MSI2: variants seen among roughly 807,000 people sequenced by gnomAD.
MSI2 encodes the protein RNA-binding protein Musashi homolog 2.
In MSI2, 17 loss-of-function variants were observed where a neutral mutation model predicts 45.6. The observed-to-expected ratio is 0.37, with a 90% CI of 0.26 to 0.56. The LOEUF (loss-of-function observed/expected upper bound fraction) is 0.56, where lower values mean the gene tolerates loss of function less well. MSI2 is among the 20% of genes least tolerant of loss of function. The probability of loss-of-function intolerance (pLI) is 0.77; values close to 1 mark genes in which losing one functional copy is unlikely to be tolerated. For synonymous variants in MSI2, 156 were observed against 158.2 expected, an observed-to-expected ratio of 0.99 and a Z score of 0.11; for missense variants, 293 against 444.2, an observed-to-expected ratio of 0.66 and a Z score of 3.06.
In MSI2 at chr17:57,275,814, A is replaced by G. The variant is rs1349563066; in HGVS notation, c.312+13622A>G. ...ATTGACTAATTATAGGGAAAAAGCC[A>G]TATTTGCTGCTCCATTAAGTGATCA... On this transcript the variant is annotated intron_variant, in intron 5 of 13. Coordinates refer to ENST00000284073, the MANE Select transcript of MSI2 (RefSeq NM_138962.4). Among the ~76,000 whole-genome samples, 8 of 152,222 alleles carry G rather than the reference A, an allele frequency of 5.3e-5. No homozygotes were observed. The East Asian group carries it at 1.3e-3, about 26-fold the overall frequency.
chr17:57,418,176 T>G (rs2143265075), intron 6 of MSI2, among the ~76,000 whole-genome samples: 1 of 152,332 alleles, frequency 6.6e-6, no homozygotes, highest in East Asian at 1.9e-4. Context: ...CAATTCCACT[T>G]TTATTTACAA....
intron 6 of MSI2, among the ~76,000 whole-genome samples, chr17:57,461,151 G>A (rs1341822793): frequency 2.6e-5 from 4 of 152,220 alleles, no homozygotes; most frequent in Non-Finnish European, 4.4e-5. Flanking sequence ...GGGGTCTGCC[G>A]GCTTCTCCCT....
At chr17:57,674,279 G>A (rs1229088020) in intron 11 of MSI2, among the ~76,000 whole-genome samples, 2 of 148,722 alleles carry the variant, frequency 1.3e-5, no homozygotes, top group Admixed American at 6.7e-5. Flanking sequence ...GGGGAGGGGC[G>A]GGTGGTGGGG....
chr17:57,514,766 C>T (rs993165845), intron 6 of MSI2, among the ~76,000 whole-genome samples: 2 of 149,992 alleles, frequency 1.3e-5, no homozygotes, highest in Non-Finnish European at 2.9e-5. Context: ...GTTATTCTGT[C>T]AATACTCATT....
Position 57,399,938 on chromosome 17 carries a change from G to A in MSI2, c.313-1441G>A, listed in dbSNP as rs565414770. On this transcript the variant is annotated intron_variant, in intron 5 of 13. Coordinates refer to ENST00000284073, the MANE Select transcript of MSI2 (RefSeq NM_138962.4). ...CCTCAGGCTCCTGTTGAGGTGGGTC[G>A]GTTCACTCATTCACTCAGCAGATAC... 6.6e-5 allele frequency among the ~76,000 whole-genome samples: 10 copies of A among 152,260 alleles called. No homozygotes were observed. In the South Asian group the frequency reaches 1.9e-3, roughly 28 times the overall value.
At chr17:57,388,608 A>G (rs999283651) in intron 5 of MSI2, among the ~76,000 whole-genome samples, 1 of 152,002 alleles carries the variant, frequency 6.6e-6, no homozygotes, top group East Asian at 1.9e-4. Context: ...TCAACATCTA[A>G]GTGTTAAGAT....
At chr17:57,501,109 G>T (rs1277410167) in intron 6 of MSI2, among the ~76,000 whole-genome samples, 2 of 152,152 alleles carry the variant, frequency 1.3e-5, no homozygotes, top group African/African-American at 2.4e-5. Context: ...ATTAACTGGG[G>T]TTCAGAGAGT....
intron 11 of MSI2, among the ~76,000 whole-genome samples, chr17:57,657,398 C>G (rs559719326): frequency 2.0e-5 from 3 of 151,918 alleles, no homozygotes; most frequent in Non-Finnish European, 2.9e-5. Context: ...CAAATTGGCC[C>G]GAGGCTGGGG....
intron 5 of MSI2, among the ~76,000 whole-genome samples, chr17:57,380,330 C>T (rs571987278): frequency 7.2e-5 from 11 of 152,292 alleles, no homozygotes; most frequent in Admixed American, 2.0e-4. Context: ...TAACCCACAG[C>T]GGGCGGCCTG....
At chr17:57,490,110 T>C (rs557366476) in intron 6 of MSI2, among the ~76,000 whole-genome samples, 1 of 152,210 alleles carries the variant, frequency 6.6e-6, no homozygotes, top group African/African-American at 2.4e-5. Flanking sequence ...TTAGTCTCCC[T>C]GATCCTGAAT....
At chr17:57,398,835 G>A (rs1294970388) in intron 5 of MSI2, among the ~76,000 whole-genome samples, 4 of 152,040 alleles carry the variant, frequency 2.6e-5, no homozygotes, top group African/African-American at 4.8e-5. Context: ...CATTAGCAAA[G>A]TTAGATTAGT....
chr17:57,372,881 GGATC>G (rs144100917), intron 5 of MSI2, among the ~76,000 whole-genome samples: 129 of 152,038 alleles, frequency 8.5e-4, no homozygotes, highest in African/African-American at 3.1e-3. Context: ...CTGCCAAGAG[GGATC>G]GATCGTATTG....
chr17:57,259,080 A>C (rs1488227669), intron 4 of MSI2, among the ~76,000 whole-genome samples: 3 of 152,172 alleles, frequency 2.0e-5, no homozygotes, highest in African/African-American at 7.2e-5. Flanking sequence ...GAAGGGAAGA[A>C]AGAGTGTCTG....
intron 6 of MSI2, chr17:57,448,140 C>G (rs1226099654): frequency 6.6e-6 from 1 of 152,174 alleles, no homozygotes; most frequent in Non-Finnish European, 1.5e-5. Flanking sequence ...CTCCTTCTAG[C>G]CTTGCTGAAA....
At chr17:57,517,070 C>T (rs991737232) in intron 6 of MSI2, among the ~76,000 whole-genome samples, 1 of 152,166 alleles carries the variant, frequency 6.6e-6, no homozygotes, top group African/African-American at 2.4e-5. Flanking sequence ...TTTTCTTAGC[C>T]ATTATTTGAA....
At chr17:57,485,021 A>G (rs1229556136) in intron 6 of MSI2, among the ~76,000 whole-genome samples, 2 of 152,112 alleles carry the variant, frequency 1.3e-5, no homozygotes, top group Admixed American at 6.5e-5. Flanking sequence ...GAGCAGATTC[A>G]TATCTTTTCT....
chr17:57,492,118 C>T (rs192399109), intron 6 of MSI2, among the ~76,000 whole-genome samples: 1 of 152,302 alleles, frequency 6.6e-6, no homozygotes, highest in Admixed American at 6.5e-5. Flanking sequence ...TTATAATGTA[C>T]TGAATTGCCT....
chr17:57,493,617 G>C (rs2085918506), intron 6 of MSI2, among the ~76,000 whole-genome samples: 2 of 150,270 alleles, frequency 1.3e-5, no homozygotes, highest in African/African-American at 4.9e-5. Flanking sequence ...CTAGATGAAG[G>C]CATTCTAGAT....
chr17:57,347,053 G>A (rs1319464153), intron 5 of MSI2, among the ~76,000 whole-genome samples: 1 of 152,122 alleles, frequency 6.6e-6, no homozygotes, highest in African/African-American at 2.4e-5. Flanking sequence ...CTGCATCTTA[G>A]GCAGATCAAA....
Sources: gnomAD v4.1 joint callset for allele counts (sites outside exome capture counted in the v4.1 genomes callset) on GRCh38, gnomAD v4.1.1 for gene constraint, MANE v1.5 for transcripts, NCBI Gene and HGNC (gene_info 2026-07-23, HGNC 2026-07-21) for gene names.